Variants in FSTL5 observed in about 807,000 individuals in gnomAD.
FSTL5 encodes the protein follistatin like 5.
In FSTL5, 62 loss-of-function variants were observed where a neutral mutation model predicts 89.1. The observed-to-expected ratio is 0.70, with a 90% CI of 0.57 to 0.86. The LOEUF (loss-of-function observed/expected upper bound fraction) is 0.86. Among genes scored for constraint, FSTL5 ranks in the 40% least tolerant of loss-of-function variants. FSTL5 has a pLI of 0.00. For missense variants in FSTL5, 1,057 were observed against 1,001.6 expected (o/e 1.06, Z -0.75); for synonymous variants, 383 against 346.2 (o/e 1.11, Z -1.18).
chr4:161,546,305 T>TAC (rs1732005498), intron 8 of FSTL5, among the ~76,000 whole-genome samples: 1 of 148,320 alleles, frequency 6.7e-6, no homozygotes, highest in African/African-American at 2.4e-5. Flanking sequence ...TATATATATA[T>TAC]ATACACATAT....
chr4:162,060,740 ATATC>A (rs1450971420), intron 2 of FSTL5, among the ~76,000 whole-genome samples: 1 of 152,082 alleles, frequency 6.6e-6, no homozygotes, highest in East Asian at 1.9e-4. Flanking sequence ...ACCAAGTGAT[ATATC>A]ATGTATTCTG....
chr4:162,000,757 A>C (rs1736440741), intron 3 of FSTL5, among the ~76,000 whole-genome samples: 1 of 152,130 alleles, frequency 6.6e-6, no homozygotes, highest in Admixed American at 6.6e-5. Context: ...ACTAAAAGAA[A>C]TGCTAGTATC....
intron 15 of FSTL5, among the ~76,000 whole-genome samples, chr4:161,404,600 A>T (rs1256294574): frequency 6.6e-6 from 1 of 152,152 alleles, no homozygotes; most frequent in African/African-American, 2.4e-5. Flanking sequence ...GCATTTAGAA[A>T]ATCTTTGTTA....
At chr4:161,666,155 G>A (rs1736885091) in intron 6 of FSTL5, among the ~76,000 whole-genome samples, 1 of 151,718 alleles carries the variant, frequency 6.6e-6, no homozygotes, top group Admixed American at 6.6e-5. Flanking sequence ...CCACAAAACT[G>A]ACAAAAATCT....
At chr4:161,536,104 G>C (rs1731605042) in intron 10 of FSTL5, among the ~76,000 whole-genome samples, 1 of 152,046 alleles carries the variant, frequency 6.6e-6, no homozygotes, top group South Asian at 2.1e-4. Flanking sequence ...AAGTATGAAA[G>C]GAGGCATGGG....
At chr4:161,409,763 C>A (rs1452534042) in intron 15 of FSTL5, among the ~76,000 whole-genome samples, 1 of 152,124 alleles carries the variant, frequency 6.6e-6, no homozygotes, top group East Asian at 1.9e-4. Context: ...AACCTGCTAC[C>A]ACAAAAGCAC....
At chr4:161,753,052 T>G (rs577816792) in intron 6 of FSTL5, among the ~76,000 whole-genome samples, 62 of 152,314 alleles carry the variant, frequency 4.1e-4, no homozygotes, top group Middle Eastern at 6.8e-3. Flanking sequence ...TTTGTTATGA[T>G]ATCCACTAAG....
chr4:161,824,496 T>C (rs1366032782), intron 4 of FSTL5, among the ~76,000 whole-genome samples: 2 of 152,010 alleles, frequency 1.3e-5, no homozygotes, highest in Non-Finnish European at 2.9e-5. Flanking sequence ...GCTATGTGGG[T>C]TCTTTTTTGG....
chr4:161,850,805 T>C (rs891231471), intron 4 of FSTL5, among the ~76,000 whole-genome samples: 3 of 152,202 alleles, frequency 2.0e-5, no homozygotes, highest in Non-Finnish European at 4.4e-5. Context: ...AAAGAAAATG[T>C]GGTACATATA....
chr4:162,061,083 T>C (rs550788639), intron 2 of FSTL5, among the ~76,000 whole-genome samples: 1 of 152,240 alleles, frequency 6.6e-6, no homozygotes, highest in African/African-American at 2.4e-5. Flanking sequence ...TTTATTTTTT[T>C]GCTTTCTTCC....
At chr4:162,010,703 C>T (rs533986458) in intron 3 of FSTL5, among the ~76,000 whole-genome samples, 4 of 152,166 alleles carry the variant, frequency 2.6e-5, no homozygotes, top group Admixed American at 6.5e-5. Context: ...TAGAAAATGT[C>T]GCCTCTTGCG....
At chr4:161,537,776 C>T (rs987769369) in intron 10 of FSTL5, among the ~76,000 whole-genome samples, 1 of 152,050 alleles carries the variant, frequency 6.6e-6, no homozygotes, top group Admixed American at 6.6e-5. Flanking sequence ...ATGTAACTGA[C>T]AGGAAAACAA....
At chr4:161,914,102 T>G (rs1312223531) in intron 4 of FSTL5, among the ~76,000 whole-genome samples, 1 of 152,086 alleles carries the variant, frequency 6.6e-6, no homozygotes. Flanking sequence ...GAATTGTATC[T>G]CCCAGAATTC....
At chr4:162,123,738 T>C (rs1275602278) in intron 1 of FSTL5, among the ~76,000 whole-genome samples, 1 of 152,276 alleles carries the variant, frequency 6.6e-6, no homozygotes, top group East Asian at 1.9e-4. Flanking sequence ...CAAATAATAC[T>C]GCAGAAATTG....
chr4:162,108,088 T>C (rs1731290255), intron 2 of FSTL5, among the ~76,000 whole-genome samples: 1 of 152,160 alleles, frequency 6.6e-6, no homozygotes, highest in South Asian at 2.1e-4. Context: ...AATGAATTCC[T>C]ACATATGATG....
At position 161,924,396 on chromosome 4, in the gene FSTL5, T is replaced by C. The variant is rs912470385; in HGVS notation, c.161-3744A>G. ...ATTTATATTCTTGTCTATATGTATA[T>C]CTAATATATCAGCTGATACTTATAG... On this transcript the variant is annotated intron_variant, in intron 3 of 15. Coordinates refer to ENST00000306100, the MANE Select transcript of FSTL5 (RefSeq NM_020116.5). Among the ~76,000 whole-genome samples, 8 of 150,918 alleles carry C rather than the reference T, an allele frequency of 5.3e-5. No individual in the cohort carries two copies. The Admixed American group carries it at 5.3e-4, about 10-fold the overall frequency.
chr4:161,669,518 A>C (rs746083501), intron 6 of FSTL5, among the ~76,000 whole-genome samples: 2 of 152,196 alleles, frequency 1.3e-5, no homozygotes, highest in Non-Finnish European at 2.9e-5. Flanking sequence ...TCTCTGACAA[A>C]GAGAAATGAC....
intron 4 of FSTL5, among the ~76,000 whole-genome samples, chr4:161,857,326 G>A (rs950340708): frequency 6.6e-6 from 1 of 152,136 alleles, no homozygotes; most frequent in Non-Finnish European, 1.5e-5. Flanking sequence ...AGGGAAAGAA[G>A]GGAGAAATCA....
chr4:161,448,659 A>C (rs1314776547), intron 15 of FSTL5, among the ~76,000 whole-genome samples: 2 of 151,940 alleles, frequency 1.3e-5, no homozygotes, highest in Non-Finnish European at 2.9e-5. Flanking sequence ...TCCGCTACTT[A>C]CTCTCTCATT....
Sources: allele counts gnomAD v4.1 joint callset (sites outside exome capture counted in the v4.1 genomes callset), GRCh38; gene constraint gnomAD v4.1.1; transcripts MANE v1.5; gene names NCBI Gene and HGNC (gene_info 2026-07-23, HGNC 2026-07-21).